Variants in ZDHHC17 observed in about 807,000 individuals in gnomAD.
ZDHHC17 encodes the protein zDHHC palmitoyltransferase 17.
A neutral mutation model predicts 90.3 loss-of-function variants in ZDHHC17; 40 were observed. That is an observed-to-expected ratio of 0.44 (90% confidence interval 0.34 to 0.58). ZDHHC17 has a LOEUF of 0.58. Among genes scored for constraint, ZDHHC17 ranks in the 20% least tolerant of loss-of-function variants. The probability of loss-of-function intolerance (pLI) is 0.01; values close to 1 mark genes in which losing one functional copy is unlikely to be tolerated. For synonymous variants in ZDHHC17, 235 were observed against 252.4 expected, an observed-to-expected ratio of 0.93 and a Z score of 0.65; for missense variants, 614 against 780.8, an observed-to-expected ratio of 0.79 and a Z score of 2.55.
intron 1 of ZDHHC17, chr12:76,769,077 A>G: frequency 2.3e-6 from 1 of 430,410 alleles, no homozygotes; most frequent in Non-Finnish European, 4.7e-6. Flanking sequence ...CTTTAGTTTG[A>G]GATGGAGTTG....
At chr12:76,808,619 A>G (rs149734373) in intron 3 of ZDHHC17, among the ~76,000 whole-genome samples, 2 of 152,346 alleles carry the variant, frequency 1.3e-5, no homozygotes, top group Non-Finnish European at 2.9e-5. Flanking sequence ...TGTTATGTGT[A>G]TATTATTTGA....
At chr12:76,804,103 G>T (rs1426806440) in intron 2 of ZDHHC17, among the ~76,000 whole-genome samples, 1 of 152,174 alleles carries the variant, frequency 6.6e-6, no homozygotes, top group Non-Finnish European at 1.5e-5. Flanking sequence ...GGCAGAGAAT[G>T]CTGGAATTGA....
At chr12:76,807,593 T>C (rs772370445) in intron 3 of ZDHHC17, among the ~76,000 whole-genome samples, 1 of 152,128 alleles carries the variant, frequency 6.6e-6, no homozygotes, top group Non-Finnish European at 1.5e-5. Flanking sequence ...ACTGAGAAGT[T>C]TACAATGAAA....
At chr12:76,785,388 T>G (rs1385687766) in intron 1 of ZDHHC17, among the ~76,000 whole-genome samples, 2 of 152,220 alleles carry the variant, frequency 1.3e-5, no homozygotes, top group Non-Finnish European at 2.9e-5. Context: ...CCCCTCATAC[T>G]CGTCACCTTA....
intron 3 of ZDHHC17, among the ~76,000 whole-genome samples, chr12:76,805,915 C>G (rs1952948727): frequency 6.6e-6 from 1 of 152,148 alleles, no homozygotes; most frequent in South Asian, 2.1e-4. Flanking sequence ...ACTGTTCACA[C>G]CAGCATAAGT....
At chr12:76,776,358 C>A (rs1023256584) in intron 1 of ZDHHC17, among the ~76,000 whole-genome samples, 1 of 152,056 alleles carries the variant, frequency 6.6e-6, no homozygotes, top group Admixed American at 6.6e-5. Context: ...ATGGTGAAGT[C>A]CCACAGTTCC....
intron 4 of ZDHHC17, 51 bp from the exon 5 acceptor site, chr12:76,809,662 C>T (rs1952996615): frequency 6.7e-6 from 9 of 1,335,826 alleles, no homozygotes; most frequent in Non-Finnish European, 8.7e-6. Flanking sequence ...CCCAGAGGAT[C>T]CTGTTTGAAA....
At chr12:76,811,499 G>C (rs1953020588) in intron 5 of ZDHHC17, among the ~76,000 whole-genome samples, 1 of 151,680 alleles carries the variant, frequency 6.6e-6, no homozygotes, top group Non-Finnish European at 1.5e-5. Flanking sequence ...TTTAACCTCT[G>C]GTATAGTATA....
chr12:76,770,245 C>T (rs1031511032), intron 1 of ZDHHC17, among the ~76,000 whole-genome samples: 8 of 152,068 alleles, frequency 5.3e-5, no homozygotes, highest in Non-Finnish European at 1.0e-4. Context: ...AATTGATAAA[C>T]AATTGTAGTA....
At chr12:76,807,133 T>TTAATAGAA (rs1384250416) in intron 3 of ZDHHC17, among the ~76,000 whole-genome samples, 3 of 152,196 alleles carry the variant, frequency 2.0e-5, no homozygotes, top group Non-Finnish European at 1.5e-5. Flanking sequence ...GAGTTTGAAT[T>TTAATAGAA]TTAACTATAA....
intron 1 of ZDHHC17, among the ~76,000 whole-genome samples, chr12:76,793,423 G>C (rs1157407169): frequency 6.6e-6 from 1 of 152,206 alleles, no homozygotes; most frequent in Non-Finnish European, 1.5e-5. Flanking sequence ...AGGAAGCTGA[G>C]GCAGGAGAAT....
chr12:76,849,932 T>C (rs1444221139), intron 16 of ZDHHC17, among the ~76,000 whole-genome samples: 2 of 151,836 alleles, frequency 1.3e-5, no homozygotes, highest in Non-Finnish European at 2.9e-5. Context: ...TTTTCTTTTC[T>C]TTTTTTTAGA....
At chr12:76,769,108 A>T (rs1416082662) in intron 1 of ZDHHC17, 1 of 422,168 alleles carries the variant, frequency 2.4e-6, no homozygotes, top group African/African-American at 2.1e-5. Flanking sequence ...GCCCAGGCTG[A>T]AGTGCAATGA....
At chr12:76,844,042 A>G (rs925460416) in intron 12 of ZDHHC17, 1 of 152,176 alleles carries the variant, frequency 6.6e-6, no homozygotes, top group African/African-American at 2.4e-5. Flanking sequence ...GTAATTTACA[A>G]AATTGATATT....
chr12:76,838,037 A>C (rs1255938009), intron 10 of ZDHHC17, among the ~76,000 whole-genome samples: 1 of 151,656 alleles, frequency 6.6e-6, no homozygotes, highest in African/African-American at 2.4e-5. Context: ...GTTCATCTTT[A>C]TAAATTTTTA....
intron 7 of ZDHHC17, among the ~76,000 whole-genome samples, chr12:76,821,788 A>T (rs1953165070): frequency 6.6e-6 from 1 of 152,176 alleles, no homozygotes; most frequent in Non-Finnish European, 1.5e-5. Context: ...CCTATCATGT[A>T]AATTCCCTGG....
At chr12:76,821,308 T>C (rs1592487512) in intron 7 of ZDHHC17, 1 of 228,646 alleles carries the variant, frequency 4.4e-6, no homozygotes, top group Middle Eastern at 6.4e-4. Context: ...TTAAATACCA[T>C]TGATCTTTAT....
intron 5 of ZDHHC17, among the ~76,000 whole-genome samples, chr12:76,814,165 A>G (rs367839817): frequency 6.6e-6 from 1 of 152,014 alleles, no homozygotes; most frequent in Admixed American, 6.6e-5. Context: ...ATTGAAACTG[A>G]TAAGAGTCCC....
At position 76,825,419 on chromosome 12, in the gene ZDHHC17, TAGC is replaced by T. The variant is rs1268231540; in HGVS notation, c.898-1484_898-1482del. Among the ~76,000 whole-genome samples, 6 of 152,314 alleles carry T rather than the reference TAGC, an allele frequency of 3.9e-5. No homozygotes were observed. The East Asian group carries it at 5.8e-4, about 15-fold the overall frequency. On this transcript the variant is annotated intron_variant, in intron 8 of 16. Coordinates refer to ENST00000426126, the MANE Select transcript of ZDHHC17 (RefSeq NM_015336.4). ...TATAAGAGAAAATAGATTTCTCACA[TAGC>T]AGCACATTACCATTATATTTTTATA...
Sources: gnomAD v4.1 joint callset for allele counts (sites outside exome capture counted in the v4.1 genomes callset) on GRCh38, gnomAD v4.1.1 for gene constraint, MANE v1.5 for transcripts, NCBI Gene and HGNC (gene_info 2026-07-23, HGNC 2026-07-21) for gene names.